PTPRT: variants seen among roughly 807,000 people sequenced by gnomAD.
PTPRT encodes receptor-type tyrosine-protein phosphatase T.
Under a neutral mutation model 176.8 loss-of-function variants are expected in PTPRT, and 56 were observed. The observed-to-expected ratio is 0.32, with a 90% CI of 0.26 to 0.40. PTPRT has a LOEUF of 0.40. Ranked by LOEUF, PTPRT falls within the 10% of genes least tolerant of loss-of-function variation. The probability of loss-of-function intolerance (pLI) is 1.00; values close to 1 mark genes in which losing one functional copy is unlikely to be tolerated. For synonymous variants in PTPRT, 783 were observed against 739.0 expected, an observed-to-expected ratio of 1.06 and a Z score of -0.96; for missense variants, 1,540 against 1,908.2, an observed-to-expected ratio of 0.81 and a Z score of 3.60.
intron 19 of PTPRT, among the ~76,000 whole-genome samples, chr20:42,122,279 A>T (rs1207087806): frequency 6.6e-6 from 1 of 152,254 alleles, no homozygotes; most frequent in African/African-American, 2.4e-5. Context: ...CTAAGATTTA[A>T]CATATATGTC....
chr20:42,150,099 T>C (rs1471014432), intron 17 of PTPRT, among the ~76,000 whole-genome samples: 5 of 152,224 alleles, frequency 3.3e-5, no homozygotes, highest in Admixed American at 3.3e-4. Flanking sequence ...CTGGTTCTAC[T>C]GAGCCAAACC....
intron 11 of PTPRT, among the ~76,000 whole-genome samples, chr20:42,322,397 G>C (rs1424782632): frequency 7.1e-6 from 1 of 141,020 alleles, no homozygotes. Flanking sequence ...GCATGGTACT[G>C]GTACCAAAAC....
intron 7 of PTPRT, among the ~76,000 whole-genome samples, chr20:42,574,293 T>C (rs755797739): frequency 5.3e-5 from 8 of 152,216 alleles, no homozygotes; most frequent in Non-Finnish European, 1.0e-4. Flanking sequence ...TTCAATCATG[T>C]GTTCAATCAA....
At chr20:42,722,716 T>G (rs1054459513) in intron 6 of PTPRT, among the ~76,000 whole-genome samples, 4 of 152,210 alleles carry the variant, frequency 2.6e-5, no homozygotes, top group Non-Finnish European at 5.9e-5. Context: ...CCCACATGGT[T>G]GCCACTAGGC....
intron 13 of PTPRT, among the ~76,000 whole-genome samples, chr20:42,257,966 T>C (rs1409052293): frequency 6.6e-6 from 1 of 152,010 alleles, no homozygotes; most frequent in African/African-American, 2.4e-5. Flanking sequence ...AGCTGGGACA[T>C]AGGCCCTGGC....
chr20:42,115,017 C>T (rs1987196843), intron 22 of PTPRT, among the ~76,000 whole-genome samples, 182 bp downstream of exon 22: 1 of 152,074 alleles, frequency 6.6e-6, no homozygotes, highest in South Asian at 2.1e-4. Context: ...TTCAGTTTGC[C>T]CCACCTACTA....
the PTPRT span, among the ~76,000 whole-genome samples, chr20:42,054,344 C>T: frequency 1.3e-5 from 2 of 152,188 alleles, no homozygotes; most frequent in Admixed American, 6.5e-5. Context: ...AACATCAACT[C>T]ATCTTAAGAA....
At chr20:42,996,485 A>C (rs1984231118) in intron 1 of PTPRT, among the ~76,000 whole-genome samples, 1 of 152,220 alleles carries the variant, frequency 6.6e-6, no homozygotes, top group Admixed American at 6.5e-5. Flanking sequence ...ACTGGCACAA[A>C]AATGAAAAGC....
chr20:42,090,425 C>A (rs1984490620), intron 27 of PTPRT, among the ~76,000 whole-genome samples: 1 of 150,924 alleles, frequency 6.6e-6, no homozygotes, highest in Non-Finnish European at 1.5e-5. Context: ...GCTGAATGAC[C>A]CAGAAGATAA....
chr20:42,740,808 A>C (rs926289254), intron 6 of PTPRT, among the ~76,000 whole-genome samples: 1 of 152,160 alleles, frequency 6.6e-6, no homozygotes, highest in Non-Finnish European at 1.5e-5. Context: ...CCAGGGCAAC[A>C]TGGTAGGAGA....
chr20:42,832,823 G>A (rs930341078), intron 2 of PTPRT, among the ~76,000 whole-genome samples: 57 of 95,864 alleles, frequency 5.9e-4, no homozygotes, highest in Admixed American at 2.1e-3. Flanking sequence ...AAAAAAAAAG[G>A]CCAGGCTTGG....
intron 13 of PTPRT, chr20:42,270,368 T>TGG: frequency 1.3e-6 from 1 of 785,442 alleles, no homozygotes; most frequent in Non-Finnish European, 2.0e-6. Context: ...AACTCTCCCC[T>TGG]CCCACCCGCC....
chr20:43,116,759 T>C lies in PTPRT; in HGVS notation c.88+72887A>G, dbSNP rs139447542. On this transcript the variant is annotated intron_variant, in intron 1 of 30. Coordinates refer to ENST00000373187, the MANE Select transcript of PTPRT (RefSeq NM_007050.6). The stretch of plus-strand genomic sequence containing the variant: ...TAGGTACTTCTAATGGTAGGGAATA[T>C]ATTTTTGTTCATGTCTACATTTGCA... 2.8e-3 allele frequency among the ~76,000 whole-genome samples: 420 copies of C among 152,314 alleles called. 4 individuals are homozygous for C. The highest frequency in any genetic ancestry group is 6.8e-3 in the Middle Eastern group (2 of 294).
chr20:43,130,132 G>C (rs572758745), intron 1 of PTPRT, among the ~76,000 whole-genome samples: 1 of 152,330 alleles, frequency 6.6e-6, no homozygotes, highest in Non-Finnish European at 1.5e-5. Context: ...TAGTCTTGAT[G>C]ATGTGAGTGG....
chr20:43,114,607 TAAC>T (rs1235885403), intron 1 of PTPRT, among the ~76,000 whole-genome samples: 1 of 152,196 alleles, frequency 6.6e-6, no homozygotes, highest in African/African-American at 2.4e-5. Context: ...ATCCTACTAA[TAAC>T]AATATTTTTT....
intron 15 of PTPRT, among the ~76,000 whole-genome samples, chr20:42,202,033 G>C (rs916260917): frequency 6.6e-6 from 1 of 151,604 alleles, no homozygotes; most frequent in Non-Finnish European, 1.5e-5. Context: ...GCAGTGGTGC[G>C]ATTTCAGCTC....
rs188232053 is a variant in PTPRT at position 42,908,489 on chromosome 20, T to G, written c.89-22557A>C. Among the ~76,000 whole-genome samples the G allele has an allele frequency of 2.4e-3, 368 of 152,304 alleles. 1 individual carries two copies. The highest frequency in any genetic ancestry group is 3.4e-3 in the Middle Eastern group (1 of 294). On this transcript the variant is annotated intron_variant, in intron 1 of 30. Coordinates refer to ENST00000373187, the MANE Select transcript of PTPRT (RefSeq NM_007050.6). Reference sequence around the variant, plus strand: ...TTTATAAATTATCTTTCTAACAATATTCTCCCCTACATTTCTGGACATATT... The same window carrying G: ...TTTATAAATTATCTTTCTAACAATAGTCTCCCCTACATTTCTGGACATATT...
chr20:42,513,021 A>G (rs1242696395), intron 7 of PTPRT, among the ~76,000 whole-genome samples: 3 of 151,888 alleles, frequency 2.0e-5, no homozygotes, highest in Non-Finnish European at 4.4e-5. Flanking sequence ...CACCACACCC[A>G]GCTCATTTTT....
chr20:42,854,619 T>C (rs951606804), intron 2 of PTPRT, among the ~76,000 whole-genome samples: 3 of 152,218 alleles, frequency 2.0e-5, no homozygotes, highest in African/African-American at 7.2e-5. Context: ...TAGAGACTCA[T>C]GATGATGTCT....
Sources: allele counts gnomAD v4.1 joint callset (sites outside exome capture counted in the v4.1 genomes callset), GRCh38; gene constraint gnomAD v4.1.1; transcripts MANE v1.5; gene names NCBI Gene and HGNC (gene_info 2026-07-23, HGNC 2026-07-21).